Variants in SLC25A24 observed in about 807,000 individuals in gnomAD.
SLC25A24 encodes mitochondrial adenyl nucleotide antiporter SLC25A24.
In SLC25A24, 49 loss-of-function variants were observed where a neutral mutation model predicts 60.7. The ratio of observed to expected loss-of-function variants is 0.81; its 90% CI spans 0.64 to 1.02. The LOEUF is 1.02. Among genes scored for constraint, SLC25A24 ranks in the 50% least tolerant of loss-of-function variants. The probability of loss-of-function intolerance (pLI) is 0.00; values close to 1 mark genes in which losing one functional copy is unlikely to be tolerated. For synonymous variants in SLC25A24, 202 were observed against 200.6 expected, an observed-to-expected ratio of 1.01 and a Z score of -0.06; for missense variants, 564 against 586.3, an observed-to-expected ratio of 0.96 and a Z score of 0.39.
chr1:108,200,041 C>G lies in SLC25A24; in HGVS notation c.98G>C (p.Arg33Pro). ...RYETLFQALD[R>P]NGDGVVDIGE... ...GATGTCCACCACTCCGTCCCCATTG[C>G]GGTCCAGTGCCTGGAAGAGGGTCTC... Residue 33 changes from arginine (R) to proline (P), a missense_variant, in exon 1 of 10, where the codon CGC (arginine) becomes CCC (proline). Transcript: ENST00000565488. 6.2e-7 allele frequency: 1 copy of G among 1,608,354 alleles called. No homozygotes were observed. Among genetic ancestry groups the G allele is most frequent in the Non-Finnish European group, 8.5e-7 (1 of 1,177,858 alleles).
At chr1:108,152,142 C>T (rs1030016925) in intron 6 of SLC25A24, among the ~76,000 whole-genome samples, 1 of 152,152 alleles carries the variant, frequency 6.6e-6, no homozygotes, top group African/African-American at 2.4e-5. Context: ...TAAGATGCTA[C>T]AATAGCCCCT....
At chr1:108,144,164 T>C (rs978263119) in intron 7 of SLC25A24, among the ~76,000 whole-genome samples, 2 of 152,134 alleles carry the variant, frequency 1.3e-5, no homozygotes, top group Admixed American at 6.5e-5. Context: ...TGGAGTAATA[T>C]AAACAATCAT....
chr1:108,174,259 C>T (rs570287449), intron 3 of SLC25A24, among the ~76,000 whole-genome samples: 1 of 152,274 alleles, frequency 6.6e-6, no homozygotes, highest in South Asian at 2.1e-4. Context: ...TGTGCAGTCT[C>T]AGGACTTGGT....
At chr1:108,193,426 C>T (rs1295640262) in intron 1 of SLC25A24, among the ~76,000 whole-genome samples, 1 of 138,484 alleles carries the variant, frequency 7.2e-6, no homozygotes, top group African/African-American at 2.5e-5. Context: ...TAAATGAGAA[C>T]ACAGTATTTG....
chr1:108,146,109 C>T (rs533414653), intron 7 of SLC25A24, among the ~76,000 whole-genome samples: 1 of 152,258 alleles, frequency 6.6e-6, no homozygotes, highest in African/African-American at 2.4e-5. Flanking sequence ...GTTTGTAGTT[C>T]TCCTTGAACA....
intron 5 of SLC25A24, among the ~76,000 whole-genome samples, chr1:108,156,028 A>G (rs1679888728): frequency 2.0e-5 from 3 of 152,106 alleles, no homozygotes; most frequent in Admixed American, 2.0e-4. Flanking sequence ...TGTGGCCAGT[A>G]TGAAAACGGG....
At chr1:108,182,293 C>A (rs891422088) in intron 2 of SLC25A24, among the ~76,000 whole-genome samples, 5 of 152,184 alleles carry the variant, frequency 3.3e-5, no homozygotes, top group Non-Finnish European at 5.9e-5. Flanking sequence ...TCCAAAGAGA[C>A]TGACTTCACA....
intron 1 of SLC25A24, chr1:108,192,821 C>T: frequency 8.2e-7 from 1 of 1,217,504 alleles, no homozygotes; most frequent in Non-Finnish European, 1.0e-6. Flanking sequence ...ACGGCTTCAG[C>T]GCAAAGGCGC....
chr1:108,190,173 T>G (rs1648299038), intron 1 of SLC25A24, among the ~76,000 whole-genome samples: 1 of 152,112 alleles, frequency 6.6e-6, no homozygotes, highest in African/African-American at 2.4e-5. Context: ...GGGAAAGCTT[T>G]ACAGTGAGAA....
At chr1:108,145,023 T>C (rs1249243522) in intron 7 of SLC25A24, among the ~76,000 whole-genome samples, 2 of 152,236 alleles carry the variant, frequency 1.3e-5, no homozygotes, top group African/African-American at 4.8e-5. Context: ...TCCACAATGC[T>C]TGAACTAATT....
intron 8 of SLC25A24, among the ~76,000 whole-genome samples, chr1:108,139,458 G>A (rs1038997969): frequency 1.1e-4 from 17 of 152,256 alleles, no homozygotes; most frequent in African/African-American, 4.1e-4. Context: ...CGCAGCAAAC[G>A]CTGCAGGATC....
chr1:108,191,595 T>C lies in SLC25A24; in HGVS notation c.184-5641A>G, dbSNP rs1234314129. On this transcript the variant is annotated intron_variant, in intron 1 of 9. Transcript: ENST00000565488. ...ATACCAGGGTATGGGGCTTGGAATA[T>C]AGAATGTGCTCAAACTAGAACTGAC... 2.9e-5 allele frequency among the ~76,000 whole-genome samples: 4 copies of C among 139,980 alleles called. 1 individual carries two copies. Among genetic ancestry groups the C allele is most frequent in the Non-Finnish European group, 6.3e-5 (4 of 63,952 alleles). 91.8% of individuals were successfully genotyped at this position (139,980 alleles called of 152,430 possible). A position where few individuals can be genotyped will look rare whatever the true frequency, so the allele number is the denominator to read the frequency against.
At chr1:108,188,326 T>A (rs775675713) in intron 1 of SLC25A24, among the ~76,000 whole-genome samples, 1 of 152,050 alleles carries the variant, frequency 6.6e-6, no homozygotes, top group Non-Finnish European at 1.5e-5. Context: ...CTCAGCATCA[T>A]GCAATATACC....
rs776415989 is a variant in SLC25A24, at chr1:108,193,163, C to A, written c.183+6793G>T. Among the ~76,000 whole-genome samples the A allele has an allele frequency of 1.4e-5, 2 of 139,532 alleles. 1 individual carries two copies. Among genetic ancestry groups the A allele is most frequent in the Non-Finnish European group, 3.1e-5 (2 of 63,698 alleles). 91.5% of individuals were successfully genotyped at this position (139,532 alleles called of 152,430 possible). A position where few individuals can be genotyped will look rare whatever the true frequency, so the allele number is the denominator to read the frequency against. On this transcript the variant is annotated intron_variant, in intron 1 of 9. Transcript: ENST00000565488. ...TCTAGGAATCCTTCTTTTTAAAAATCCTTATAATGATTTTTTAAAATAAAA... is the reference window on the plus strand; with the variant it reads ...TCTAGGAATCCTTCTTTTTAAAAATACTTATAATGATTTTTTAAAATAAAA...
intron 1 of SLC25A24, 78 bp from the exon 2 acceptor site, chr1:108,186,032 G>T: frequency 8.6e-7 from 1 of 1,160,696 alleles, no homozygotes; most frequent in Non-Finnish European, 1.2e-6. Context: ...ATTTCAAGCA[G>T]ATTAGCTGTT....
intron 6 of SLC25A24, among the ~76,000 whole-genome samples, chr1:108,150,853 T>C (rs1679736038): frequency 6.6e-6 from 1 of 152,176 alleles, no homozygotes; most frequent in Non-Finnish European, 1.5e-5. Context: ...TTCAACTTCT[T>C]TATTTGTATT....
chr1:108,146,455 G>A (rs1053132182), intron 7 of SLC25A24, among the ~76,000 whole-genome samples: 1 of 152,278 alleles, frequency 6.6e-6, no homozygotes, highest in Admixed American at 6.5e-5. Context: ...ATACTACGTT[G>A]AATAGGAGTG....
rs1679288093 is a variant in SLC25A24 at position 108,136,516 on chromosome 1, G to A, written c.*137C>T. On this transcript the variant is annotated 3_prime_UTR_variant, in exon 10 of 10. Transcript: ENST00000565488. ...ATAATTTAGCCCAAAAGTTTGAAGT[G>A]ACCATTGTTACCATCTTCCCTTTTG... The A allele has an allele frequency of 1.5e-6, 1 of 667,848 alleles. No homozygotes were observed. The highest frequency in any genetic ancestry group is 2.7e-5 in the East Asian group (1 of 36,828). The allele number at this position is 667,848 out of a possible 1,614,324, so 41.4% of individuals were successfully genotyped here.
At chr1:108,144,880 GC>G (rs1295269658) in intron 7 of SLC25A24, among the ~76,000 whole-genome samples, 1 of 152,146 alleles carries the variant, frequency 6.6e-6, no homozygotes, top group Admixed American at 6.5e-5. Context: ...GAACAGTGCT[GC>G]AATAAATATA....
Sources: gnomAD v4.1 joint callset for allele counts (sites outside exome capture counted in the v4.1 genomes callset) on GRCh38, gnomAD v4.1.1 for gene constraint, MANE v1.5 for transcripts, NCBI Gene and HGNC (gene_info 2026-07-23, HGNC 2026-07-21) for gene names.